LARP4B: variants seen among roughly 807,000 people sequenced by gnomAD.
The protein encoded by LARP4B is La ribonucleoprotein 4B.
LARP4B carries 12 observed loss-of-function variants against 89.8 expected under a neutral mutation model. That is an observed-to-expected ratio of 0.13 (90% CI 0.09 to 0.22). LARP4B has a LOEUF of 0.22. Ranked by LOEUF, LARP4B falls within the 10% of genes least tolerant of loss-of-function variation. The pLI, the probability that LARP4B is intolerant of heterozygous loss-of-function variation, is 1.00. For missense variants in LARP4B, 757 were observed against 947.7 expected (o/e 0.80, Z 2.64); for synonymous variants, 367 against 363.3 (o/e 1.01, Z -0.12).
upstream of LARP4B, among the ~76,000 whole-genome samples, chr10:935,347 A>T (rs1830736086): frequency 6.6e-6 from 1 of 152,144 alleles, no homozygotes; most frequent in African/African-American, 2.4e-5. Flanking sequence ...TTAGGTCCTA[A>T]TGGATGTGAG....
At chr10:973,411 G>C in the LARP4B span, among the ~76,000 whole-genome samples, 2 of 152,004 alleles carry the variant, frequency 1.3e-5, no homozygotes, top group South Asian at 4.1e-4. Context: ...GAGTGCAGTG[G>C]CATGATCTTA....
At chr10:966,880 CAGAG>C in the LARP4B span, among the ~76,000 whole-genome samples, 690 of 152,276 alleles carry the variant, frequency 4.5e-3, 2 homozygotes, top group South Asian at 0.012. Context: ...CTGGACCACA[CAGAG>C]AGATATCGCT....
At chr10:963,284 CA>C in the LARP4B span, among the ~76,000 whole-genome samples, 1 of 152,172 alleles carries the variant, frequency 6.6e-6, no homozygotes, top group African/African-American at 2.4e-5. Flanking sequence ...CCTGACTTCA[CA>C]AGTGAGTGAC....
Position 817,839 on chromosome 10 carries a change from G to C in LARP4B, c.1581C>G (p.Phe527Leu). ...GAGGGAAGCTGGACAGCCCCAGCTC[G>C]AAGCTTGGCGACGGAGGCTTTGGTG... ...PTPPKPPSPS[F>L]ELGLSSFPPL... The change falls in exon 15 of 18, where the codon TTC becomes TTG. Residue 527 changes from phenylalanine (F) to leucine (L), a missense_variant. This residue lies in a region of LARP4B where 387 missense variants were observed against 423.6 expected (regional missense o/e 0.91). Transcript: ENST00000316157. 1.2e-6 allele frequency: 2 copies of C among 1,614,182 alleles called. No individual in the cohort carries two copies. The highest frequency in any genetic ancestry group is 1.7e-6 in the Non-Finnish European group (2 of 1,180,022).
At chr10:854,738 T>C (rs1299184009) in intron 5 of LARP4B, among the ~76,000 whole-genome samples, 2 of 152,164 alleles carry the variant, frequency 1.3e-5, no homozygotes, top group African/African-American at 4.8e-5. Flanking sequence ...ATTTTCAGAA[T>C]GGGAAATGAG....
chr10:859,053 G>C (rs1834452164), intron 5 of LARP4B, among the ~76,000 whole-genome samples: 2 of 152,122 alleles, frequency 1.3e-5, no homozygotes, highest in African/African-American at 4.8e-5. Flanking sequence ...TTGGGAGGCT[G>C]AGATGGGCAG....
chr10:859,746 G>A (rs1834495767), intron 5 of LARP4B, among the ~76,000 whole-genome samples: 1 of 152,020 alleles, frequency 6.6e-6, no homozygotes, highest in Admixed American at 6.6e-5. Flanking sequence ...AAGCTTAAAT[G>A]TACGTTACTA....
chr10:845,734 C>T (rs1833743927), intron 5 of LARP4B, among the ~76,000 whole-genome samples: 1 of 152,208 alleles, frequency 6.6e-6, no homozygotes, highest in Admixed American at 6.5e-5. Context: ...GAAGACACTG[C>T]ATAAACTGCT....
chr10:857,812 T>C (rs778056953), intron 5 of LARP4B, among the ~76,000 whole-genome samples: 4 of 152,236 alleles, frequency 2.6e-5, no homozygotes, highest in Admixed American at 6.5e-5. Context: ...CTCCAGGATC[T>C]ATCCTGGACT....
the LARP4B span, among the ~76,000 whole-genome samples, chr10:937,898 A>G: frequency 6.6e-6 from 1 of 151,738 alleles, no homozygotes. Context: ...TTATTTATTT[A>G]TTTTGAGACG....
At chr10:885,804 A>C (rs1056993307) in intron 1 of LARP4B, 44 bp from the exon 2 acceptor site, 24 of 912,910 alleles carry the variant, frequency 2.6e-5, no homozygotes, top group Non-Finnish European at 3.4e-6. Flanking sequence ...TGAAGGGCAC[A>C]GTATGATTAT....
intron 1 of LARP4B, 89 bp from the exon 2 acceptor site, chr10:885,849 C>T (rs1835842418): frequency 7.8e-6 from 5 of 642,694 alleles, no homozygotes; most frequent in Admixed American, 3.2e-5. Flanking sequence ...TTTTCCAGGA[C>T]ACACGTTTAT....
intron 4 of LARP4B, 82 bp downstream of exon 4, chr10:864,041 C>G (rs902227784): frequency 6.3e-7 from 1 of 1,582,616 alleles, no homozygotes; most frequent in African/African-American, 1.3e-5. Flanking sequence ...GAATGAACAA[C>G]ATCTTAAAGA....
rs374921725 is a variant in LARP4B, at chr10:910,169, TTA to T, written c.-40+21257_-40+21258del. Among the ~76,000 whole-genome samples the T allele has an allele frequency of 6.2e-4, 94 of 152,310 alleles. 1 individual carries two copies. In the East Asian group the frequency reaches 9.6e-3, roughly 16 times the overall value. ...GAACAATGTACAGCCAATCAATAGC[TTA>T]TGTTATTTTGATGTACATTTTTTGT... On this transcript the variant is annotated intron_variant, in intron 1 of 17. Transcript: ENST00000316157.
intron 5 of LARP4B, among the ~76,000 whole-genome samples, chr10:846,381 G>A (rs996562807): frequency 5.9e-5 from 9 of 152,198 alleles, no homozygotes; most frequent in African/African-American, 2.4e-5. Flanking sequence ...ATGAGGGGCA[G>A]CAAGGCCTGG....
chr10:835,868 G>C (rs1429697374), intron 8 of LARP4B, among the ~76,000 whole-genome samples: 1 of 151,564 alleles, frequency 6.6e-6, no homozygotes, highest in African/African-American at 2.4e-5. Context: ...GGGAGATGGA[G>C]TTTGCAGTGA....
intron 1 of LARP4B, among the ~76,000 whole-genome samples, chr10:902,315 C>T (rs1402697035): frequency 6.6e-6 from 1 of 152,182 alleles, no homozygotes; most frequent in Admixed American, 6.5e-5. Flanking sequence ...TTGCACAAGC[C>T]CTAAGCTGCA....
intron 1 of LARP4B, among the ~76,000 whole-genome samples, chr10:891,862 C>T (rs1271640846): frequency 6.6e-6 from 1 of 152,206 alleles, no homozygotes. Flanking sequence ...AATAACGTAT[C>T]ATTTTAATGC....
chr10:857,496 T>C (rs950940885), intron 5 of LARP4B, among the ~76,000 whole-genome samples: 1 of 152,228 alleles, frequency 6.6e-6, no homozygotes, highest in Admixed American at 6.5e-5. Context: ...TCTTGTTTTA[T>C]GTCCTTGAGA....
Sources: allele counts gnomAD v4.1 joint callset (sites outside exome capture counted in the v4.1 genomes callset), GRCh38; gene constraint gnomAD v4.1.1; regional missense constraint gnomAD v4.1.1; transcripts MANE v1.5; gene names NCBI Gene and HGNC (gene_info 2026-07-23, HGNC 2026-07-21).